The following PCDHGB3 variants were observed in gnomAD, a reference collection of about 807,000 sequenced individuals.
PCDHGB3 encodes protocadherin gamma-B3.
A neutral mutation model predicts 59.2 loss-of-function variants in PCDHGB3; 40 were observed. That is an observed-to-expected ratio of 0.68 (90% CI 0.52 to 0.88). The LOEUF (loss-of-function observed/expected upper bound fraction) is 0.88. Ranked by LOEUF, PCDHGB3 falls within the 40% of genes least tolerant of loss-of-function variation. The pLI is 0.00. For synonymous variants in PCDHGB3, 581 were observed against 503.6 expected, an observed-to-expected ratio of 1.15 and a Z score of -2.06; for missense variants, 1,309 against 1,187.9, an observed-to-expected ratio of 1.10 and a Z score of -1.50.
chr5:141,410,623 G>A (rs2154543147), intron 1 of PCDHGB3: 1 of 1,603,052 alleles, frequency 6.2e-7, no homozygotes, highest in Non-Finnish European at 8.5e-7. Flanking sequence ...TGACTTCGGT[G>A]AGTTTCTCTT....
rs771162532 is a variant in PCDHGB3, at chr5:141,491,756, C to A, written c.2416-3051C>A. On this transcript the variant is annotated intron_variant, in intron 1 of 3. Transcript: ENST00000576222. The surrounding 1 kb of genome is among the most constrained non-coding windows in gnomAD (Gnocchi z 6.9). ...CCTGGGGGCGGCACTGGAGAAGCCGCCCGTCCTCATAAGGGATTGAACTTG... is the reference window on the plus strand; with the variant it reads ...CCTGGGGGCGGCACTGGAGAAGCCGACCGTCCTCATAAGGGATTGAACTTG... The A allele has an allele frequency of 6.3e-7, 1 of 1,581,720 alleles. No individual in the cohort carries two copies. Among genetic ancestry groups the A allele is most frequent in the Middle Eastern group, 1.7e-4 (1 of 5,958 alleles).
Position 141,383,130 on chromosome 5 carries a change from G to C in PCDHGB3, c.2415+10321G>C, listed in dbSNP as rs1328104143. On this transcript the variant is annotated intron_variant, in intron 1 of 3. Coordinates refer to ENST00000576222, the MANE Select transcript of PCDHGB3 (RefSeq NM_018924.5). ...GAGGTAGGACGCAGCTTTTCGCCCT[G>C]AACCAGCGCAGCGGCAGCTTGGTCA... 3.1e-6 allele frequency: 5 copies of C among 1,614,008 alleles called. No homozygotes were observed. In the African/African-American group the frequency reaches 5.3e-5, roughly 17 times the overall value.
At position 141,484,779 on chromosome 5, in the gene PCDHGB3, C is replaced by G. The variant is rs186158562; in HGVS notation, c.2416-10028C>G. On this transcript the variant is annotated intron_variant, in intron 1 of 3. Transcript: ENST00000576222. ...ATATATATATATGTTGTCTGCCTCCCCACAGAGATAACAACCCGTGGAAAA... is the reference window on the plus strand; with the variant it reads ...ATATATATATATGTTGTCTGCCTCCGCACAGAGATAACAACCCGTGGAAAA... Among the ~76,000 whole-genome samples, 137 of 152,130 alleles carry G rather than the reference C, an allele frequency of 9.0e-4. 1 individual carries two copies. Among genetic ancestry groups the G allele is most frequent in the Non-Finnish European group, 1.6e-3 (110 of 67,996 alleles).
chr5:141,433,208 CTTTT>C (rs745329085), intron 1 of PCDHGB3: 3 of 1,293,778 alleles, frequency 2.3e-6, no homozygotes, highest in African/African-American at 1.5e-5. Flanking sequence ...AATCTTCTTT[CTTTT>C]TTTTTTTTAA....
chr5:141,511,351 C>T lies in PCDHGB3; in HGVS notation c.*178C>T. The T allele has an allele frequency of 3.6e-6, 5 of 1,386,550 alleles. No individual in the cohort carries two copies. Among genetic ancestry groups the T allele is most frequent in the South Asian group, 1.5e-5 (1 of 67,154 alleles). The allele number at this position is 1,386,550 out of a possible 1,614,324, so 85.9% of individuals were successfully genotyped here. On this transcript the variant is annotated 3_prime_UTR_variant, in exon 4 of 4. Transcript: ENST00000576222. ...CCAGTCAGCACCTACCCCTTCCCCC[C>T]CAGGGGGTTGAATATGCAAAAGCAG...
chr5:141,375,213 G>T (rs778646849), intron 1 of PCDHGB3: 1 of 1,613,926 alleles, frequency 6.2e-7, no homozygotes, highest in Admixed American at 1.7e-5. Context: ...CGAGACTCTG[G>T]CCTGAATGGC....
At position 141,371,614 on chromosome 5, in the gene PCDHGB3, A is replaced by T; in HGVS notation, c.1220A>T (p.Asp407Val). Residue 407 changes from aspartate to valine, a missense_variant, in exon 1 of 4, where the codon GAT (aspartate) becomes GTT (valine). Coordinates refer to ENST00000576222, the MANE Select transcript of PCDHGB3 (RefSeq NM_018924.5). ...DTKNTYRLVT[D>V]GALDREQIPE... ...AAAAACACATACAGGTTGGTGACAG[A>T]TGGAGCCCTGGACCGGGAGCAGATC... 2 of 1,614,024 alleles carry T rather than the reference A, an allele frequency of 1.2e-6. No individual in the cohort carries two copies. Among genetic ancestry groups the T allele is most frequent in the Non-Finnish European group, 1.7e-6 (2 of 1,179,892 alleles).
intron 1 of PCDHGB3, chr5:141,413,247 CGGGATTCCAT>C: frequency 6.2e-7 from 1 of 1,613,940 alleles, no homozygotes; most frequent in South Asian, 1.1e-5. Flanking sequence ...GCCTTTTCTT[CGGGATTCCAT>C]GGGAGGCTGG....
At chr5:141,375,535 C>A (rs548065153) in intron 1 of PCDHGB3, 105 of 1,613,900 alleles carry the variant, frequency 6.5e-5, no homozygotes, top group Non-Finnish European at 8.3e-5. Context: ...TGGACCAGAA[C>A]GCCCAAGTCT....
rs1369956811 is a variant in PCDHGB3, at chr5:141,460,759, A to G, written c.2416-34048A>G. Among the ~76,000 whole-genome samples, 3 of 152,088 alleles carry G rather than the reference A, an allele frequency of 2.0e-5. No individual in the cohort carries two copies. In the East Asian group the frequency reaches 5.8e-4, roughly 29 times the overall value. On this transcript the variant is annotated intron_variant, in intron 1 of 3. Coordinates refer to ENST00000576222, the MANE Select transcript of PCDHGB3 (RefSeq NM_018924.5). ...ATTGTATATATATGTGTACATATAC[A>G]TATTGCATATGTATGTATACATATA...
At position 141,491,660 on chromosome 5, in the gene PCDHGB3, C is replaced by G; in HGVS notation, c.2416-3147C>G. 6.2e-7 allele frequency: 1 copy of G among 1,613,810 alleles called. No individual in the cohort carries two copies. ...ACAGCTCTGGCGCTGGAGCCTGACG[C>G]CATCCGGTCCCGCTCTAATACGCTG... is the stretch of plus-strand genomic sequence containing the variant. On this transcript the variant is annotated intron_variant, in intron 1 of 3. Transcript: ENST00000576222. The surrounding 1 kb of genome is among the most constrained non-coding windows in gnomAD (Gnocchi z 6.9).
In PCDHGB3 at chr5:141,418,449, A is replaced by G. The variant is rs781224972; in HGVS notation, c.2415+45640A>G. ...GGCAAATATCCAGAATTAGTATTGC[A>G]GAAGACTCTGGACCGAGAAACGCAG... On this transcript the variant is annotated intron_variant, in intron 1 of 3. Coordinates refer to ENST00000576222, the MANE Select transcript of PCDHGB3 (RefSeq NM_018924.5). 8.1e-6 allele frequency: 13 copies of G among 1,613,922 alleles called. No homozygotes were observed. The Admixed American group carries it at 1.2e-4, about 14-fold the overall frequency.
rs1380943019 is a variant in PCDHGB3 at position 141,389,411 on chromosome 5, C to T, written c.2415+16602C>T. ...CCTACGTGTCCATAAGCGCGGAGAG[C>T]GGGGTGGTGTTCGCGCAGCGCGCCT... is the stretch of plus-strand genomic sequence containing the variant. On this transcript the variant is annotated intron_variant, in intron 1 of 3. Coordinates refer to ENST00000576222, the MANE Select transcript of PCDHGB3 (RefSeq NM_018924.5). 8 of 1,613,450 alleles carry T rather than the reference C, an allele frequency of 5.0e-6. No homozygotes were observed. The East Asian group carries it at 6.7e-5, about 13-fold the overall frequency.
intron 1 of PCDHGB3, chr5:141,409,747 C>T (rs771456718): frequency 1.2e-6 from 2 of 1,612,994 alleles, no homozygotes; most frequent in East Asian, 2.2e-5. Flanking sequence ...GGGTGGTGTT[C>T]GCGCAGCGCG....
Position 141,370,449 on chromosome 5 carries a change from C to G in PCDHGB3, c.55C>G (p.Leu19Val). 1 of 1,608,694 alleles carries G rather than the reference C, an allele frequency of 6.2e-7. No individual in the cohort carries two copies. Among genetic ancestry groups the G allele is most frequent in the East Asian group, 2.2e-5 (1 of 44,802 alleles). The change falls in exon 1 of 4, where the codon CTC becomes GTC. Residue 19 changes from leucine (L) to valine (V), a missense_variant. Leu to Val is a conservative substitution (Grantham distance 32, BLOSUM62 1). Coordinates refer to ENST00000576222, the MANE Select transcript of PCDHGB3 (RefSeq NM_018924.5). ...AGCAGGGCAGAGGCGAATGCTATTT[C>G]TCTTCCTGCTCTCTTTGTTAGACCA... ...GPAGQRRMLF[L>V]FLLSLLDQAL...
intron 1 of PCDHGB3, chr5:141,423,750 TGGG>T: frequency 4.5e-5 from 13 of 287,436 alleles, no homozygotes; most frequent in South Asian, 1.7e-4. Flanking sequence ...GAAAACTGTT[TGGG>T]GGGGGGGTGG....
rs1246204844 is a variant in PCDHGB3, at chr5:141,419,493, A to T, written c.2415+46684A>T. On this transcript the variant is annotated intron_variant, in intron 1 of 3. Coordinates refer to ENST00000576222, the MANE Select transcript of PCDHGB3 (RefSeq NM_018924.5). ...CAGGGCTCGCCCGCGCTCAGCGCCA[A>T]TGTGAGCCTGCGCGTGTTGGTGGGC... 3 of 1,612,264 alleles carry T rather than the reference A, an allele frequency of 1.9e-6. No individual in the cohort carries two copies. The African/African-American group carries it at 4.0e-5, about 22-fold the overall frequency.
intron 1 of PCDHGB3, among the ~76,000 whole-genome samples, chr5:141,471,120 C>T (rs560582806): frequency 6.7e-6 from 1 of 149,470 alleles, no homozygotes; most frequent in South Asian, 2.1e-4. Context: ...GCGATCTTAC[C>T]TTCACTGCAA....
chr5:141,415,935 C>A, intron 1 of PCDHGB3: 1 of 601,886 alleles, frequency 1.7e-6, no homozygotes, highest in Non-Finnish European at 2.4e-6. Context: ...TTTATATTTC[C>A]TCCTGGGTGG....
Sources: allele counts gnomAD v4.1 joint callset (sites outside exome capture counted in the v4.1 genomes callset), GRCh38; gene constraint gnomAD v4.1.1; non-coding constraint Gnocchi (gnomAD v3.1); transcripts MANE v1.5; gene names NCBI Gene and HGNC (gene_info 2026-07-23, HGNC 2026-07-21).